GALNT18: variants seen among roughly 807,000 people sequenced by gnomAD.
GALNT18 encodes polypeptide N-acetylgalactosaminyltransferase 18.
A neutral mutation model predicts 69.5 loss-of-function variants in GALNT18; 44 were observed. The observed-to-expected ratio is 0.63, with a 90% confidence interval of 0.50 to 0.81. GALNT18 has a LOEUF of 0.81. Ranked by LOEUF, GALNT18 falls within the 40% of genes least tolerant of loss-of-function variation. The pLI, the probability that GALNT18 is intolerant of heterozygous loss-of-function variation, is 0.00. For synonymous variants in GALNT18, 364 were observed against 318.2 expected (o/e 1.14, Z -1.53); for missense variants, 715 against 810.0 (o/e 0.88, Z 1.42).
intron 9 of GALNT18, among the ~76,000 whole-genome samples, chr11:11,306,224 T>G (rs1484556213): frequency 7.1e-6 from 1 of 141,654 alleles, no homozygotes; most frequent in Non-Finnish European, 1.6e-5. Flanking sequence ...TGTGTGTGCA[T>G]GTGTGTGTGT....
rs913226826 is a variant in GALNT18 at position 11,448,850 on chromosome 11, C to T, written c.322G>A (p.Glu108Lys). The change falls in exon 2 of 11, where the codon GAA becomes AAA. Residue 108 changes from glutamate (E) to lysine (K), a missense_variant. By Grantham distance (56) the Glu-to-Lys change is moderately conservative. Transcript: ENST00000227756. ...TGCTTCAGGGCCACGCGCCGGCCTT[C>T]GGGGCTGAGCTCCTGGCCCCAGTGT... The part of the protein sequence containing the change: ...FAHWGQELSP[E>K]GRRVALKQFQ... The T allele has an allele frequency of 5.6e-6, 9 of 1,610,728 alleles. No individual in the cohort carries two copies. The highest frequency in any genetic ancestry group is 1.7e-5 in the Admixed American group (1 of 59,546).
At chr11:11,499,478 T>C (rs556719583) in intron 1 of GALNT18, among the ~76,000 whole-genome samples, 1 of 151,732 alleles carries the variant, frequency 6.6e-6, no homozygotes, top group African/African-American at 2.4e-5. Flanking sequence ...CTGGGACAGA[T>C]GTAGCTGCAT....
At chr11:11,529,455 A>C (rs1357858477) in intron 1 of GALNT18, among the ~76,000 whole-genome samples, 1 of 152,152 alleles carries the variant, frequency 6.6e-6, no homozygotes, top group African/African-American at 2.4e-5. Flanking sequence ...CTTGGGTCTC[A>C]AGCCTGCCAG....
intron 3 of GALNT18, among the ~76,000 whole-genome samples, chr11:11,409,242 C>G (rs1854670713): frequency 6.6e-6 from 1 of 152,134 alleles, no homozygotes; most frequent in African/African-American, 2.4e-5. Context: ...TCCCCAGCTC[C>G]CTGCTCAGGG....
In GALNT18 at chr11:11,430,509, A is replaced by G. The variant is rs1475178113; in HGVS notation, c.595+2112T>C. Among the ~76,000 whole-genome samples the G allele has an allele frequency of 6.6e-6, 1 of 152,190 alleles. No individual in the cohort carries two copies. The highest frequency in any genetic ancestry group is 1.9e-4 in the East Asian group (1 of 5,190). On this transcript the variant is annotated intron_variant, in intron 3 of 10. Transcript: ENST00000227756. The surrounding 1 kb of genome is among the most constrained non-coding windows in gnomAD (Gnocchi z 4.9). Reference sequence around the variant, plus strand: ...CACCACAATCAAGATACTTTACTGAACCATCACCACAATGCTCTAGAGCTT... The same window carrying G: ...CACCACAATCAAGATACTTTACTGAGCCATCACCACAATGCTCTAGAGCTT...
intron 1 of GALNT18, among the ~76,000 whole-genome samples, chr11:11,536,122 A>G (rs185542290): frequency 1.3e-5 from 2 of 152,238 alleles, no homozygotes; most frequent in East Asian, 3.8e-4. Context: ...GGGCCTGTAC[A>G]GGAAATGACA....
At chr11:11,291,832 A>G (rs745350567) in intron 10 of GALNT18, among the ~76,000 whole-genome samples, 2 of 152,134 alleles carry the variant, frequency 1.3e-5, no homozygotes, top group Non-Finnish European at 2.9e-5. Flanking sequence ...TTCACTGTTT[A>G]TTTAGGACCT....
At chr11:11,378,025 T>C (rs767217578) in intron 4 of GALNT18, among the ~76,000 whole-genome samples, 5 of 152,216 alleles carry the variant, frequency 3.3e-5, no homozygotes, top group South Asian at 2.1e-4. Flanking sequence ...ATAATACATT[T>C]GGTGCATAAT....
intron 1 of GALNT18, among the ~76,000 whole-genome samples, chr11:11,574,545 C>A (rs1419436339): frequency 6.6e-6 from 1 of 152,230 alleles, no homozygotes; most frequent in Non-Finnish European, 1.5e-5. Flanking sequence ...CTTGGGCTTT[C>A]ATCCACTTAA....
At chr11:11,581,549 C>G (rs1859085983) in intron 1 of GALNT18, among the ~76,000 whole-genome samples, 1 of 152,066 alleles carries the variant, frequency 6.6e-6, no homozygotes, top group Non-Finnish European at 1.5e-5. Flanking sequence ...TGCCCCCTCC[C>G]CATGACACCC....
At chr11:11,607,567 C>G (rs1039016813) in intron 1 of GALNT18, among the ~76,000 whole-genome samples, 3 of 152,184 alleles carry the variant, frequency 2.0e-5, no homozygotes, top group Non-Finnish European at 2.9e-5. Flanking sequence ...TATCATGCAA[C>G]AAAATGCACA....
chr11:11,345,895 G>A (rs935869966), intron 6 of GALNT18, among the ~76,000 whole-genome samples: 1 of 152,168 alleles, frequency 6.6e-6, no homozygotes, highest in Admixed American at 6.5e-5. Flanking sequence ...GTGAGGGCAT[G>A]TGCTGAGTCC....
chr11:11,574,937 T>A (rs987468889), intron 1 of GALNT18, among the ~76,000 whole-genome samples: 1 of 152,246 alleles, frequency 6.6e-6, no homozygotes, highest in African/African-American at 2.4e-5. Flanking sequence ...ATAGTCATGA[T>A]TTATCAAGAG....
intron 2 of GALNT18, among the ~76,000 whole-genome samples, chr11:11,437,541 G>A (rs1177165052): frequency 3.3e-5 from 5 of 152,116 alleles, no homozygotes; most frequent in African/African-American, 1.2e-4. Context: ...CTTCAGTGCT[G>A]TACGATCATG....
At chr11:11,580,777 C>T (rs1329756094) in intron 1 of GALNT18, among the ~76,000 whole-genome samples, 1 of 152,236 alleles carries the variant, frequency 6.6e-6, no homozygotes, top group Non-Finnish European at 1.5e-5. Flanking sequence ...CTCCTGGGCT[C>T]AGCAGGGATT....
intron 1 of GALNT18, among the ~76,000 whole-genome samples, chr11:11,525,910 A>T (rs1369281568): frequency 6.6e-6 from 1 of 152,158 alleles, no homozygotes; most frequent in East Asian, 1.9e-4. Context: ...CTGGGATTAC[A>T]CTCATGAGCC....
chr11:11,449,373 C>T (rs1010507584), intron 1 of GALNT18, among the ~76,000 whole-genome samples: 1 of 152,232 alleles, frequency 6.6e-6, no homozygotes, highest in Non-Finnish European at 1.5e-5. Flanking sequence ...TGGGAGTCTA[C>T]TCCTCCACCC....
intron 1 of GALNT18, among the ~76,000 whole-genome samples, chr11:11,572,203 CCTTT>C (rs1858808669): frequency 1.3e-5 from 2 of 152,196 alleles, no homozygotes; most frequent in South Asian, 4.1e-4. Context: ...CCTAGCCACT[CCTTT>C]CTGTGGGATC....
intron 8 of GALNT18, among the ~76,000 whole-genome samples, chr11:11,331,012 A>G (rs1474226608): frequency 6.6e-6 from 1 of 152,188 alleles, no homozygotes; most frequent in African/African-American, 2.4e-5. Flanking sequence ...CTCTCCTTTT[A>G]GGATTGGGTT....
Sources: allele counts gnomAD v4.1 joint callset (sites outside exome capture counted in the v4.1 genomes callset), GRCh38; gene constraint gnomAD v4.1.1; non-coding constraint Gnocchi (gnomAD v3.1); transcripts MANE v1.5; gene names NCBI Gene and HGNC (gene_info 2026-07-23, HGNC 2026-07-21).